Variants in SLC35F3 observed in about 807,000 individuals in gnomAD.
The protein encoded by SLC35F3 is solute carrier family 35 member F3, also known as putative thiamine transporter SLC35F3.
In SLC35F3, 25 loss-of-function variants were observed where a neutral mutation model predicts 49.9. The ratio of observed to expected loss-of-function variants is 0.50; its 90% CI spans 0.37 to 0.70. The LOEUF (loss-of-function observed/expected upper bound fraction) is 0.70. Ranked by LOEUF, SLC35F3 falls within the 30% of genes least tolerant of loss-of-function variation. The probability of loss-of-function intolerance (pLI) is 0.00; values close to 1 mark genes in which losing one functional copy is unlikely to be tolerated. For missense variants in SLC35F3, 525 were observed against 639.8 expected (o/e 0.82, Z 1.94); for synonymous variants, 275 against 265.4 (o/e 1.04, Z -0.35).
rs117694657 is a variant in SLC35F3, at chr1:234,105,812, G to A, written c.284-125605G>A. On this transcript the variant is annotated intron_variant, in intron 2 of 7. Coordinates refer to ENST00000366618, the MANE Select transcript of SLC35F3 (RefSeq NM_173508.4). Reference sequence around the variant, plus strand: ...TGTCCTTCCCTGCCCCATTGCTATCGGGACTGGACAAGAGATTTACCCAGC... The same window carrying A: ...TGTCCTTCCCTGCCCCATTGCTATCAGGACTGGACAAGAGATTTACCCAGC... Among the ~76,000 whole-genome samples, 1,382 of 152,244 alleles carry A rather than the reference G, an allele frequency of 9.1e-3. 63 individuals are homozygous for A. The highest frequency in any genetic ancestry group is 0.069 in the Admixed American group (1,059 of 15,286).
At chr1:234,317,401 T>C (rs1657517747) in intron 5 of SLC35F3, among the ~76,000 whole-genome samples, 1 of 151,164 alleles carries the variant, frequency 6.6e-6, no homozygotes, top group African/African-American at 2.4e-5. Flanking sequence ...TCCCTTCTCC[T>C]CCTCTCTCCT....
chr1:234,305,874 C>T (rs1448496225), intron 3 of SLC35F3, among the ~76,000 whole-genome samples: 1 of 152,170 alleles, frequency 6.6e-6, no homozygotes, highest in Non-Finnish European at 1.5e-5. Context: ...TTGTATGTGA[C>T]TCAATCCATA....
intron 2 of SLC35F3, among the ~76,000 whole-genome samples, chr1:234,025,502 A>AC (rs1453910510): frequency 6.6e-6 from 1 of 152,198 alleles, no homozygotes; most frequent in African/African-American, 2.4e-5. Flanking sequence ...ACATTTTAAT[A>AC]AAACCCATTC....
At chr1:233,991,830 G>C (rs1663360033) in intron 2 of SLC35F3, among the ~76,000 whole-genome samples, 3 of 151,918 alleles carry the variant, frequency 2.0e-5, no homozygotes, top group Admixed American at 2.0e-4. Flanking sequence ...TATTTTGCCT[G>C]TTTATTTAAT....
At chr1:234,092,354 A>G (rs1395124963) in intron 2 of SLC35F3, among the ~76,000 whole-genome samples, 2 of 152,280 alleles carry the variant, frequency 1.3e-5, no homozygotes, top group African/African-American at 4.8e-5. Context: ...CCATTCCCTC[A>G]GGAGTTCTCT....
intron 2 of SLC35F3, among the ~76,000 whole-genome samples, chr1:234,008,452 G>A (rs1235904117): frequency 6.6e-6 from 1 of 152,178 alleles, no homozygotes; most frequent in Non-Finnish European, 1.5e-5. Flanking sequence ...GTCTAAAGGT[G>A]TTCATTCTTT....
chr1:234,000,439 A>G (rs4920207), intron 2 of SLC35F3, among the ~76,000 whole-genome samples: 104,432 of 152,084 alleles, frequency 0.69, 36,000 homozygotes, highest in African/African-American at 0.72. Flanking sequence ...TCTGAAATCA[A>G]CAATGTATGT....
intron 2 of SLC35F3, among the ~76,000 whole-genome samples, chr1:234,169,999 C>A (rs1572079349): frequency 1.3e-5 from 2 of 152,154 alleles, no homozygotes; most frequent in Non-Finnish European, 2.9e-5. Flanking sequence ...GATCTCCTGA[C>A]CTCATGATCC....
At chr1:233,920,962 C>T (rs1558178833) in intron 2 of SLC35F3, among the ~76,000 whole-genome samples, 1 of 152,226 alleles carries the variant, frequency 6.6e-6, no homozygotes, top group Non-Finnish European at 1.5e-5. Flanking sequence ...TTCTTGATGT[C>T]AGCTTTGTGA....
At chr1:233,932,292 T>C (rs1257504829) in intron 2 of SLC35F3, among the ~76,000 whole-genome samples, 1 of 135,398 alleles carries the variant, frequency 7.4e-6, no homozygotes, top group Non-Finnish European at 1.6e-5. Context: ...ACTTAAAGTA[T>C]AACAAAAAAA....
chr1:234,130,246 A>G (rs926049079), intron 2 of SLC35F3, among the ~76,000 whole-genome samples: 3 of 152,220 alleles, frequency 2.0e-5, no homozygotes, highest in Non-Finnish European at 4.4e-5. Flanking sequence ...CAAATGGCCA[A>G]TAAGCATATG....
chr1:234,302,230 T>C (rs1237692776), intron 3 of SLC35F3, among the ~76,000 whole-genome samples: 3 of 150,942 alleles, frequency 2.0e-5, no homozygotes, highest in Admixed American at 2.0e-4. Context: ...ACAGAGGAAG[T>C]CTAGAGGATG....
At chr1:233,968,878 T>C (rs984728908) in intron 2 of SLC35F3, among the ~76,000 whole-genome samples, 2 of 152,202 alleles carry the variant, frequency 1.3e-5, no homozygotes, top group African/African-American at 4.8e-5. Context: ...TCATGTATAC[T>C]TAATGTTTAC....
At chr1:234,312,162 C>G (rs896698278) in intron 4 of SLC35F3, among the ~76,000 whole-genome samples, 4 of 152,168 alleles carry the variant, frequency 2.6e-5, no homozygotes, top group African/African-American at 9.7e-5. Flanking sequence ...TGGGCGCACA[C>G]TGCCTGCTAG....
intron 3 of SLC35F3, 123 bp from the exon 4 acceptor site, chr1:234,308,978 A>T (rs1657280107): frequency 1.5e-6 from 1 of 678,220 alleles, no homozygotes; most frequent in African/African-American, 1.9e-5. Flanking sequence ...TATTAAAAAT[A>T]ATAAATTTTA....
intron 3 of SLC35F3, among the ~76,000 whole-genome samples, chr1:234,267,085 G>C (rs577201971): frequency 8.4e-5 from 12 of 142,190 alleles, no homozygotes; most frequent in South Asian, 4.8e-4. Context: ...TGACTCTTAA[G>C]GAGCATGCTG....
intron 2 of SLC35F3, among the ~76,000 whole-genome samples, chr1:234,035,312 C>T (rs1256582440): frequency 6.6e-6 from 1 of 152,112 alleles, no homozygotes; most frequent in Non-Finnish European, 1.5e-5. Context: ...AAAGTTCTTG[C>T]TCTTGTGTCC....
chr1:234,023,558 TTAGA>T lies in SLC35F3; in HGVS notation c.283+117805_283+117808del, dbSNP rs111275503. 7.9e-5 allele frequency among the ~76,000 whole-genome samples: 12 copies of T among 152,142 alleles called. 1 individual carries two copies. The highest frequency in any genetic ancestry group is 2.6e-4 in the Admixed American group (4 of 15,274). ...CCTTTGCAGTACAAGTACAAATAAC[TTAGA>T]TAGACACTCCACTCTCAAGGAAGTG... On this transcript the variant is annotated intron_variant, in intron 2 of 7. Transcript: ENST00000366618.
At chr1:233,948,938 A>G (rs1038907605) in intron 2 of SLC35F3, among the ~76,000 whole-genome samples, 5 of 152,174 alleles carry the variant, frequency 3.3e-5, no homozygotes, top group African/African-American at 1.2e-4. Flanking sequence ...TCTCCCTCAC[A>G]GCCTTACAGG....
Sources: gnomAD v4.1 joint callset for allele counts (sites outside exome capture counted in the v4.1 genomes callset) on GRCh38, gnomAD v4.1.1 for gene constraint, MANE v1.5 for transcripts, NCBI Gene and HGNC (gene_info 2026-07-23, HGNC 2026-07-21) for gene names.